The following IQCM variants were observed in gnomAD, a reference collection of about 807,000 sequenced individuals.
IQCM encodes IQ motif containing M.
Under a neutral mutation model 57.6 loss-of-function variants are expected in IQCM, and 45 were observed. That is an observed-to-expected ratio of 0.78 (90% CI 0.62 to 1.00). IQCM has a LOEUF of 1.00. IQCM is among the 50% of genes least tolerant of loss of function. IQCM has a pLI of 0.00. For synonymous variants in IQCM, 148 were observed against 158.9 expected (o/e 0.93, Z 0.51); for missense variants, 468 against 511.6 (o/e 0.91, Z 0.82).
At chr4:149,684,589 A>G (rs1395056341) in intron 6 of IQCM, among the ~76,000 whole-genome samples, 10 of 151,354 alleles carry the variant, frequency 6.6e-5, no homozygotes, top group Non-Finnish European at 1.5e-4. Context: ...TCTCATATCT[A>G]ATTTCCCAAC....
chr4:149,498,315 A>G (rs1351471186), intron 12 of IQCM, among the ~76,000 whole-genome samples: 2 of 152,088 alleles, frequency 1.3e-5, no homozygotes, highest in Non-Finnish European at 2.9e-5. Context: ...CAGCTCTGTG[A>G]CTCTTGGACC....
At chr4:149,626,420 A>T (rs1385633653) in intron 7 of IQCM, among the ~76,000 whole-genome samples, 2 of 52,662 alleles carry the variant, frequency 3.8e-5, no homozygotes, top group African/African-American at 1.2e-4. Context: ...TATAGCAAAT[A>T]AGACATACTA....
At chr4:149,659,063 A>G (rs1759913640) in intron 7 of IQCM, among the ~76,000 whole-genome samples, 1 of 152,028 alleles carries the variant, frequency 6.6e-6, no homozygotes, top group African/African-American at 2.4e-5. Flanking sequence ...CATCTATTTG[A>G]TTCTTCTCTC....
chr4:149,679,321 A>G (rs780271603), intron 7 of IQCM, among the ~76,000 whole-genome samples: 4 of 151,638 alleles, frequency 2.6e-5, no homozygotes, highest in Non-Finnish European at 4.4e-5. Context: ...GAAAGCAAAA[A>G]AAAAGTTAAT....
chr4:149,431,255 A>T (rs1477525003), intron 13 of IQCM, among the ~76,000 whole-genome samples: 1 of 151,992 alleles, frequency 6.6e-6, no homozygotes, highest in Non-Finnish European at 1.5e-5. Context: ...TATTTTGCAA[A>T]GTGTATTTAC....
chr4:149,778,788 A>G (rs1214844898), intron 2 of IQCM, among the ~76,000 whole-genome samples: 1 of 152,172 alleles, frequency 6.6e-6, no homozygotes, highest in Non-Finnish European at 1.5e-5. Context: ...GTCATAATTA[A>G]CCCAATAAGA....
chr4:149,655,417 A>G lies in IQCM; in HGVS notation c.565+26701T>C, dbSNP rs534985167. ...TAACATAGCATGCATTTCTGCCAGC[A>G]TGAAAAATTTTGTTTAGAATTTGAT... On this transcript the variant is annotated intron_variant, in intron 7 of 13. Coordinates refer to ENST00000636793, the MANE Select transcript of IQCM (RefSeq NM_001363507.2). 1.5e-3 allele frequency among the ~76,000 whole-genome samples: 223 copies of G among 152,278 alleles called. 1 individual carries two copies. The highest frequency in any genetic ancestry group is 5.2e-3 in the African/African-American group (216 of 41,582).
chr4:149,795,932 G>A (rs1002182741), intron 2 of IQCM, among the ~76,000 whole-genome samples: 7 of 152,322 alleles, frequency 4.6e-5, no homozygotes, highest in African/African-American at 1.7e-4. Flanking sequence ...TTATACCCAG[G>A]AACTTCATTG....
intron 13 of IQCM, among the ~76,000 whole-genome samples, chr4:149,378,863 C>T (rs141805842): frequency 2.0e-5 from 3 of 152,268 alleles, no homozygotes; most frequent in East Asian, 3.9e-4. Flanking sequence ...TACAACAGCC[C>T]CTCCCATCAC....
intron 8 of IQCM, among the ~76,000 whole-genome samples, chr4:149,611,082 T>C (rs1276452377): frequency 2.0e-5 from 3 of 151,938 alleles, no homozygotes; most frequent in Non-Finnish European, 1.5e-5. Context: ...GAAGAAGACA[T>C]ACAAACGGTC....
chr4:149,634,453 C>G (rs1358120539), intron 7 of IQCM, among the ~76,000 whole-genome samples: 1 of 152,210 alleles, frequency 6.6e-6, no homozygotes, highest in East Asian at 1.9e-4. Context: ...TATTCTAACT[C>G]AGCCACAAGA....
chr4:149,596,602 C>A (rs1218920654), intron 8 of IQCM, among the ~76,000 whole-genome samples: 1 of 151,992 alleles, frequency 6.6e-6, no homozygotes, highest in African/African-American at 2.4e-5. Flanking sequence ...TTTTAAATGT[C>A]CTGTAGAAAG....
rs997338379 is a variant in IQCM at position 149,502,203 on chromosome 4, T to C, written c.1228+46252A>G. On this transcript the variant is annotated intron_variant, in intron 12 of 13. Transcript: ENST00000636793. ...ATGTATGTATGTACTTTTCCCTAAG[T>C]ACCTTATTATTGAGAACAAAAGTAA... Among the ~76,000 whole-genome samples, 6 of 151,982 alleles carry C rather than the reference T, an allele frequency of 3.9e-5. No individual in the cohort carries two copies. In the East Asian group the frequency reaches 5.8e-4, roughly 15 times the overall value.
At chr4:149,588,556 C>G (rs1234997023) in intron 8 of IQCM, among the ~76,000 whole-genome samples, 1 of 151,748 alleles carries the variant, frequency 6.6e-6, no homozygotes, top group Non-Finnish European at 1.5e-5. Flanking sequence ...AATGAAGTAA[C>G]TATGGCTGAA....
intron 2 of IQCM, among the ~76,000 whole-genome samples, chr4:149,762,875 T>G (rs1043487651): frequency 6.6e-6 from 1 of 152,058 alleles, no homozygotes; most frequent in African/African-American, 2.4e-5. Flanking sequence ...GTTAATCTGT[T>G]GCCACATAGC....
At chr4:149,778,582 T>C (rs900382991) in intron 2 of IQCM, among the ~76,000 whole-genome samples, 3 of 151,894 alleles carry the variant, frequency 2.0e-5, no homozygotes, top group Admixed American at 6.6e-5. Context: ...TTGAAAAGAT[T>C]AATACAATTG....
intron 3 of IQCM, among the ~76,000 whole-genome samples, chr4:149,736,859 A>G (rs1354147770): frequency 1.3e-5 from 2 of 152,232 alleles, no homozygotes; most frequent in Non-Finnish European, 2.9e-5. Flanking sequence ...GAGAATGAAA[A>G]TGTATGTTTA....
At chr4:149,648,502 T>TA (rs1758851220) in intron 7 of IQCM, among the ~76,000 whole-genome samples, 1 of 152,214 alleles carries the variant, frequency 6.6e-6, no homozygotes. Flanking sequence ...GTAATAAACA[T>TA]ATATGTGCAT....
intron 7 of IQCM, among the ~76,000 whole-genome samples, chr4:149,622,652 C>T (rs183081469): frequency 6.6e-6 from 1 of 152,178 alleles, no homozygotes; most frequent in African/African-American, 2.4e-5. Flanking sequence ...AAGAAGATAG[C>T]AAGGGAAAGG....
Sources: allele counts gnomAD v4.1 joint callset (sites outside exome capture counted in the v4.1 genomes callset), GRCh38; gene constraint gnomAD v4.1.1; transcripts MANE v1.5; gene names NCBI Gene and HGNC (gene_info 2026-07-23, HGNC 2026-07-21).